Variants in RREB1 observed in about 807,000 individuals in gnomAD.
RREB1 encodes the protein ras responsive element binding protein 1.
RREB1 carries 27 observed loss-of-function variants against 117.8 expected under a neutral mutation model. The ratio of observed to expected loss-of-function variants is 0.23; its 90% CI spans 0.17 to 0.32. RREB1 has a LOEUF of 0.32. RREB1 is among the 10% of genes least tolerant of loss of function. The probability of loss-of-function intolerance (pLI) is 1.00; values close to 1 mark genes in which losing one functional copy is unlikely to be tolerated. For missense variants in RREB1, 2,577 were observed against 2,378.2 expected (o/e 1.08, Z -1.74); for synonymous variants, 1,298 against 1,026.7 (o/e 1.26, Z -5.05).
At position 7,226,577 on chromosome 6, in the gene RREB1, A is replaced by G. The variant is rs143231463; in HGVS notation, c.818A>G (p.Asn273Ser). 573 of 1,614,070 alleles carry G rather than the reference A, an allele frequency of 3.6e-4. No individual in the cohort carries two copies. Among genetic ancestry groups the G allele is most frequent in the Non-Finnish European group, 4.6e-4 (545 of 1,180,036 alleles). Residue 273 changes from asparagine to serine, a missense_variant, in exon 9 of 13, where the codon AAC (asparagine) becomes AGC (serine). Coordinates refer to ENST00000379938, the MANE Select transcript of RREB1 (RefSeq NM_001003699.4). ...GCAATGGGCAGACCTTTCATACAGA[A>G]CAACCCTTCAATTCCTGCTGGCTTC... ...RDAMGRPFIQ[N>S]NPSIPAGFHD...
intron 1 of RREB1, among the ~76,000 whole-genome samples, chr6:7,160,743 G>A (rs1763618521): frequency 6.7e-6 from 1 of 150,340 alleles, no homozygotes; most frequent in Admixed American, 6.6e-5. Context: ...CTGAAGTACT[G>A]TGGTGCAATC....
intron 1 of RREB1, among the ~76,000 whole-genome samples, chr6:7,174,396 TCTTTCTCTAAAACCATCCTCTCCTTG>T (rs1561760830): frequency 6.6e-6 from 1 of 152,092 alleles, no homozygotes; most frequent in Non-Finnish European, 1.5e-5. Flanking sequence ...AGCCTAGCCC[TCTTTCTCTAAAACCATCCTCTCCTTG>T]CTGTCCTGTG....
intron 9 of RREB1, 115 bp downstream of exon 9, chr6:7,226,771 T>C: frequency 1.2e-6 from 1 of 802,090 alleles, no homozygotes; most frequent in East Asian, 2.5e-5. Flanking sequence ...GGTTGGGCTT[T>C]GTCTTTTTTT....
At chr6:7,246,258 C>G (rs1354926708) in intron 11 of RREB1, among the ~76,000 whole-genome samples, 166 bp from the exon 12 acceptor site, 2 of 152,184 alleles carry the variant, frequency 1.3e-5, no homozygotes, top group Non-Finnish European at 2.9e-5. Flanking sequence ...TCATCTTGGT[C>G]CTCCTGGGGG....
chr6:7,188,504 T>TG (rs1201066632), intron 5 of RREB1, among the ~76,000 whole-genome samples: 4 of 152,126 alleles, frequency 2.6e-5, no homozygotes, highest in Non-Finnish European at 1.5e-5. Context: ...CTACTCAGCT[T>TG]GGGGTCTTTT....
At chr6:7,119,840 C>T (rs914939309) in intron 1 of RREB1, among the ~76,000 whole-genome samples, 2 of 152,122 alleles carry the variant, frequency 1.3e-5, no homozygotes, top group Admixed American at 6.5e-5. Flanking sequence ...TCAGTTAGAA[C>T]GCTAGTTTTT....
Position 7,229,841 on chromosome 6 carries a change from A to AGCC in RREB1, c.1745_1747dup (p.Pro582dup). The AGCC allele has an allele frequency of 4.3e-6, 7 of 1,609,926 alleles. No individual in the cohort carries two copies. Among genetic ancestry groups the AGCC allele is most frequent in the Non-Finnish European group, 5.9e-6 (7 of 1,178,398 alleles). On this transcript the variant is annotated inframe_insertion, in exon 10 of 13. Coordinates refer to ENST00000379938, the MANE Select transcript of RREB1 (RefSeq NM_001003699.4). The surrounding 1 kb of genome is among the most constrained non-coding windows in gnomAD (Gnocchi z 4.5). ...GCGGCCACGCGGCTCTCCCTGCAGCAGCCGCGGGCGGAGCTGCCGGGCCAG... is the reference window on the plus strand; with the variant it reads ...GCGGCCACGCGGCTCTCCCTGCAGCAGCCGCCGCGGGCGGAGCTGCCGGGCCAG...
chr6:7,184,883 T>G (rs1328029508), intron 4 of RREB1: 1 of 152,076 alleles, frequency 6.6e-6, no homozygotes, highest in Non-Finnish European at 1.5e-5. Flanking sequence ...ACTTTAAAAA[T>G]TTTGTGTATG....
At chr6:7,149,140 C>T (rs1264478230) in intron 1 of RREB1, among the ~76,000 whole-genome samples, 2 of 152,194 alleles carry the variant, frequency 1.3e-5, no homozygotes, top group African/African-American at 2.4e-5. Flanking sequence ...TCAGGCTGGT[C>T]TCAAACTCCT....
chr6:7,181,421 G>GCAA, intron 3 of RREB1, 175 bp downstream of exon 3: 2 of 412,270 alleles, frequency 4.9e-6, no homozygotes, highest in Non-Finnish European at 8.4e-6. Context: ...CAGAATCACT[G>GCAA]TATTGCAGCA....
At chr6:7,179,798 T>TG (rs1764697639) in intron 2 of RREB1, among the ~76,000 whole-genome samples, 2 of 150,758 alleles carry the variant, frequency 1.3e-5, no homozygotes, top group African/African-American at 4.9e-5. Context: ...GAAACACAGT[T>TG]TTTTTTTTTT....
At chr6:7,220,010 C>T (rs939963712) in intron 8 of RREB1, among the ~76,000 whole-genome samples, 3 of 152,188 alleles carry the variant, frequency 2.0e-5, no homozygotes, top group Non-Finnish European at 4.4e-5. Context: ...CAATTCCACA[C>T]ACCCCAACAC....
At chr6:7,189,101 A>C in intron 5 of RREB1, 58 bp from the exon 6 acceptor site, 3 of 1,507,220 alleles carry the variant, frequency 2.0e-6, no homozygotes, top group Non-Finnish European at 2.7e-6. Flanking sequence ...GCATTTCCTA[A>C]GAGCTGAGCT....
At position 7,163,913 on chromosome 6, in the gene RREB1, C is replaced by T. The variant is rs9406001; in HGVS notation, c.-284-12742C>T. 2.0e-4 allele frequency among the ~76,000 whole-genome samples: 30 copies of T among 152,316 alleles called. 1 individual carries two copies. The East Asian group carries it at 4.4e-3, about 23-fold the overall frequency. Reference sequence around the variant, plus strand: ...TGTCTGTACAGGTTGTTCCTGACTTCGTGGCTGGGAGGAAATTGAGGATGC... The same window carrying T: ...TGTCTGTACAGGTTGTTCCTGACTTTGTGGCTGGGAGGAAATTGAGGATGC... On this transcript the variant is annotated intron_variant, in intron 1 of 12. Transcript: ENST00000379938.
In RREB1 at chr6:7,229,222, G is replaced by A. The variant is rs373354349; in HGVS notation, c.1123G>A (p.Val375Ile). 1.6e-4 allele frequency: 251 copies of A among 1,613,700 alleles called. No homozygotes were observed. The highest frequency in any genetic ancestry group is 4.4e-4 in the South Asian group (40 of 91,030). Residue 375 changes from valine to isoleucine, a missense_variant, in exon 10 of 13, where the codon GTC becomes ATC. Val to Ile is a conservative substitution (Grantham distance 29). Coordinates refer to ENST00000379938, the MANE Select transcript of RREB1 (RefSeq NM_001003699.4). The surrounding 1 kb of genome is among the most constrained non-coding windows in gnomAD (Gnocchi z 4.5). ...ALLGLQHTKDVRPAPAEEPLP... is the reference protein window; with the variant it reads ...ALLGLQHTKDIRPAPAEEPLP... ...GCTTGGCCTGCAGCACACCAAAGAC[G>A]TCAGGCCTGCCCCCGCCGAGGAGCC... is the stretch of plus-strand genomic sequence containing the variant.
At chr6:7,200,218 GTATA>G (rs764764289) in intron 6 of RREB1, among the ~76,000 whole-genome samples, 6 of 145,798 alleles carry the variant, frequency 4.1e-5, no homozygotes, top group African/African-American at 7.5e-5. Flanking sequence ...GTATGTGTGT[GTATA>G]TATATATATG....
intron 4 of RREB1, among the ~76,000 whole-genome samples, chr6:7,185,889 C>T (rs1364157318): frequency 6.6e-6 from 1 of 152,166 alleles, no homozygotes; most frequent in Admixed American, 6.5e-5. Context: ...TAATAGTTCT[C>T]TGACTTGGGG....
chr6:7,110,803 GC>G (rs748031917), intron 1 of RREB1, among the ~76,000 whole-genome samples: 2 of 152,140 alleles, frequency 1.3e-5, no homozygotes, highest in Non-Finnish European at 2.9e-5. Context: ...AAGAGGATTT[GC>G]TGGATGTGTA....
At chr6:7,166,397 G>A (rs745485952) in intron 1 of RREB1, among the ~76,000 whole-genome samples, 48 of 152,364 alleles carry the variant, frequency 3.2e-4, no homozygotes, top group Non-Finnish European at 5.7e-4. Context: ...CAGAGCATTT[G>A]TTTTCCTTCA....
Sources: gnomAD v4.1 joint callset for allele counts (sites outside exome capture counted in the v4.1 genomes callset) on GRCh38, gnomAD v4.1.1 for gene constraint, Gnocchi (gnomAD v3.1) non-coding constraint, MANE v1.5 for transcripts, NCBI Gene and HGNC (gene_info 2026-07-23, HGNC 2026-07-21) for gene names.